Variants in EGFLAM observed in about 807,000 individuals in gnomAD.
EGFLAM encodes pikachurin.
EGFLAM carries 79 observed loss-of-function variants against 113.1 expected under a neutral mutation model. That is an observed-to-expected ratio of 0.70 (90% CI 0.58 to 0.84). The LOEUF is 0.84. Among genes scored for constraint, EGFLAM ranks in the 40% least tolerant of loss-of-function variants. The pLI, the probability that EGFLAM is intolerant of heterozygous loss-of-function variation, is 0.00. For missense variants in EGFLAM, 1,265 were observed against 1,291.6 expected (o/e 0.98, Z 0.32); for synonymous variants, 504 against 487.6 (o/e 1.03, Z -0.44).
At chr5:38,358,830 T>C (rs1473474015) in intron 5 of EGFLAM, among the ~76,000 whole-genome samples, 1 of 152,174 alleles carries the variant, frequency 6.6e-6, no homozygotes, top group Non-Finnish European at 1.5e-5. Flanking sequence ...GTAGAAAAGA[T>C]CTGAAGAGGC....
rs575433352 is a variant in EGFLAM, at chr5:38,395,695, C to T, written c.713-10431C>T. Among the ~76,000 whole-genome samples, 100 of 152,226 alleles carry T rather than the reference C, an allele frequency of 6.6e-4. 1 individual carries two copies. Among genetic ancestry groups the T allele is most frequent in the African/African-American group, 2.3e-3 (96 of 41,532 alleles). On this transcript the variant is annotated intron_variant, in intron 6 of 21. Coordinates refer to ENST00000322350, the MANE Select transcript of EGFLAM (RefSeq NM_152403.4). ...AGCCCTCTTGCTGTGCAGCTGTAGGCGTGTAAGTCTCCCTCCCCACTGGAC... is the reference window on the plus strand; with the variant it reads ...AGCCCTCTTGCTGTGCAGCTGTAGGTGTGTAAGTCTCCCTCCCCACTGGAC...
intron 6 of EGFLAM, among the ~76,000 whole-genome samples, chr5:38,396,985 A>C (rs890369551): frequency 6.6e-6 from 1 of 152,098 alleles, no homozygotes; most frequent in African/African-American, 2.4e-5. Context: ...TGGCTTATGT[A>C]CTTCAAAAGG....
At chr5:38,268,104 T>C (rs1168458816) in intron 1 of EGFLAM, among the ~76,000 whole-genome samples, 1 of 152,184 alleles carries the variant, frequency 6.6e-6, no homozygotes, top group Admixed American at 6.5e-5. Flanking sequence ...GGTTTGTTGA[T>C]TTTTCCATTA....
At chr5:38,424,889 C>A in intron 12 of EGFLAM, 78 bp from the exon 13 acceptor site, 2 of 1,554,844 alleles carry the variant, frequency 1.3e-6, no homozygotes, top group Non-Finnish European at 1.7e-6. Context: ...GAACCATGAG[C>A]TGCTGGTGGG....
rs6880173 is a variant in EGFLAM at position 38,334,057 on chromosome 5, G to A, written c.98-3463G>A. On this transcript the variant is annotated intron_variant, in intron 1 of 21. Transcript: ENST00000322350. ...TCCTGCTTCAGCCTCCCAAGTAGCT[G>A]GGATTACAGACTCCTGCCACCACGC... is the stretch of plus-strand genomic sequence containing the variant. 5.3e-3 allele frequency among the ~76,000 whole-genome samples: 802 copies of A among 151,208 alleles called. 12 individuals are homozygous for A. The highest frequency in any genetic ancestry group is 0.019 in the African/African-American group (769 of 41,090).
At chr5:38,333,403 T>C (rs1016739350) in intron 1 of EGFLAM, among the ~76,000 whole-genome samples, 1 of 152,234 alleles carries the variant, frequency 6.6e-6, no homozygotes, top group Non-Finnish European at 1.5e-5. Flanking sequence ...ATTAAGCTAA[T>C]TTATACTCCC....
chr5:38,424,517 C>A (rs908698024), intron 12 of EGFLAM, among the ~76,000 whole-genome samples: 1 of 152,214 alleles, frequency 6.6e-6, no homozygotes, highest in Non-Finnish European at 1.5e-5. Flanking sequence ...TTGCTTGTCT[C>A]AACTTTGAAC....
intron 6 of EGFLAM, among the ~76,000 whole-genome samples, chr5:38,374,341 C>T (rs1180176902): frequency 2.6e-5 from 4 of 152,124 alleles, no homozygotes; most frequent in Non-Finnish European, 1.5e-5. Context: ...TCTCCCTGAG[C>T]ATTCGGGGAT....
chr5:38,401,506 C>T (rs1214599282), intron 6 of EGFLAM, among the ~76,000 whole-genome samples: 1 of 152,104 alleles, frequency 6.6e-6, no homozygotes, highest in Non-Finnish European at 1.5e-5. Flanking sequence ...GTGTTTAGAT[C>T]TCTTTCCATT....
intron 16 of EGFLAM, among the ~76,000 whole-genome samples, chr5:38,436,337 G>A (rs561710965): frequency 1.3e-5 from 2 of 152,148 alleles, no homozygotes; most frequent in African/African-American, 4.8e-5. Context: ...ATCCTTTTTG[G>A]ACCTGAGATG....
At chr5:38,280,108 G>A (rs909890062) in intron 1 of EGFLAM, among the ~76,000 whole-genome samples, 5 of 152,072 alleles carry the variant, frequency 3.3e-5, no homozygotes, top group African/African-American at 1.2e-4. Flanking sequence ...TTTGCTAGTT[G>A]GTGCATATAC....
intron 1 of EGFLAM, among the ~76,000 whole-genome samples, chr5:38,305,167 C>T (rs1419315498): frequency 2.0e-5 from 3 of 151,708 alleles, no homozygotes; most frequent in Admixed American, 6.6e-5. Context: ...TTCAGAGATA[C>T]AAAAAGATGA....
At chr5:38,331,192 G>C (rs904954802) in intron 1 of EGFLAM, among the ~76,000 whole-genome samples, 2 of 152,028 alleles carry the variant, frequency 1.3e-5, no homozygotes, top group African/African-American at 4.8e-5. Context: ...AGACTCCCCC[G>C]TCATCAGCAT....
chr5:38,341,291 G>C (rs1481582975), intron 3 of EGFLAM, among the ~76,000 whole-genome samples: 1 of 152,196 alleles, frequency 6.6e-6, no homozygotes, highest in African/African-American at 2.4e-5. Context: ...TGGCTGGGGA[G>C]GCCTCAGGAG....
chr5:38,438,140 A>G (rs1272899261), intron 16 of EGFLAM, 135 bp from the exon 17 acceptor site: 6 of 730,560 alleles, frequency 8.2e-6, no homozygotes, highest in African/African-American at 5.7e-5. Context: ...AAAAAAAAAA[A>G]GTGGAAACTG....
chr5:38,298,143 A>T (rs1223780766), intron 1 of EGFLAM, among the ~76,000 whole-genome samples: 1 of 152,088 alleles, frequency 6.6e-6, no homozygotes, highest in Admixed American at 6.6e-5. Flanking sequence ...AGCAGGGGGG[A>T]GATGGTTTTC....
At chr5:38,422,801 C>T (rs1485433455) in intron 12 of EGFLAM, among the ~76,000 whole-genome samples, 1 of 152,172 alleles carries the variant, frequency 6.6e-6, no homozygotes, top group Non-Finnish European at 1.5e-5. Context: ...CTAGAAGTAT[C>T]TTGCCTGTAT....
chr5:38,438,508 C>T (rs1189283969), intron 17 of EGFLAM, 53 bp downstream of exon 17: 2 of 1,471,386 alleles, frequency 1.4e-6, no homozygotes, highest in Non-Finnish European at 1.8e-6. Flanking sequence ...AAGGAACGGA[C>T]AGCCAATTGG....
In EGFLAM at chr5:38,451,450, C is replaced by T. The variant is rs768588437; in HGVS notation, c.2679C>T (p.Leu893=). 13 of 1,613,916 alleles carry T rather than the reference C, an allele frequency of 8.1e-6. No individual in the cohort carries two copies. The highest frequency in any genetic ancestry group is 6.7e-5 in the Admixed American group (4 of 59,974). Residue 893 remains leucine (L), a synonymous_variant, in exon 19 of 22, where the codon CTC becomes CTT. Transcript: ENST00000322350. The part of the protein sequence containing the change: ...FISLGLRDGA[L]VFSYNLGSGV... ...CCTTGGGCCTTCGGGATGGAGCCCT[C>T]GTGTTCAGGTAACCCCCTCTCCATC...
Sources: gnomAD v4.1 joint callset for allele counts (sites outside exome capture counted in the v4.1 genomes callset) on GRCh38, gnomAD v4.1.1 for gene constraint, MANE v1.5 for transcripts, NCBI Gene and HGNC (gene_info 2026-07-23, HGNC 2026-07-21) for gene names.